Variants in ADAM9 observed in about 807,000 individuals in gnomAD.
The protein encoded by ADAM9 is ADAM metallopeptidase domain 9.
In ADAM9, 54 loss-of-function variants were observed where a neutral mutation model predicts 108.1. That is an observed-to-expected ratio of 0.50 (90% CI 0.40 to 0.63). The LOEUF (loss-of-function observed/expected upper bound fraction) is 0.63, where lower values mean the gene tolerates loss of function less well. ADAM9 is among the 20% of genes least tolerant of loss of function. The probability of loss-of-function intolerance (pLI) is 0.00; values close to 1 mark genes in which losing one functional copy is unlikely to be tolerated. For missense variants in ADAM9, 830 were observed against 997.7 expected, an observed-to-expected ratio of 0.83 and a Z score of 2.26; for synonymous variants, 316 against 336.0, an observed-to-expected ratio of 0.94 and a Z score of 0.65.
At chr8:39,005,576 G>A (rs7844927) in intron 1 of ADAM9, among the ~76,000 whole-genome samples, 63,697 of 151,998 alleles carry the variant, frequency 0.42, 14,132 homozygotes, top group East Asian at 0.73. Flanking sequence ...GTTAACATTA[G>A]CCATCCCTCT....
chr8:39,059,192 A>G (rs1838218631), intron 14 of ADAM9, among the ~76,000 whole-genome samples: 1 of 152,240 alleles, frequency 6.6e-6, no homozygotes, highest in African/African-American at 2.4e-5. Context: ...GTATGTCCAC[A>G]GAAGGTAGTT....
chr8:39,045,458 A>ATGTGCGTGTGTGTACACACACCTATG (rs1837717581), intron 12 of ADAM9, among the ~76,000 whole-genome samples: 1 of 147,638 alleles, frequency 6.8e-6, no homozygotes, highest in Non-Finnish European at 1.5e-5. Flanking sequence ...ACACACCTAT[A>ATGTGCGTGTGTGTACACACACCTATG]TGTGCGTGTG....
chr8:39,064,120 A>G (rs1014726711), intron 14 of ADAM9, among the ~76,000 whole-genome samples: 8 of 152,228 alleles, frequency 5.3e-5, no homozygotes, highest in Admixed American at 1.3e-4. Flanking sequence ...AAGGCATCAT[A>G]TACATAGTTA....
chr8:39,083,434 C>T (rs1054183325), intron 18 of ADAM9, among the ~76,000 whole-genome samples: 1 of 152,206 alleles, frequency 6.6e-6, no homozygotes, highest in Admixed American at 6.5e-5. Flanking sequence ...AAGTCCACAA[C>T]TCCTTAACAT....
rs1365675150 is a variant in ADAM9 at position 39,065,015 on chromosome 8, G to A, written c.1592-6283G>A. 2.0e-5 allele frequency among the ~76,000 whole-genome samples: 3 copies of A among 151,986 alleles called. No homozygotes were observed. The East Asian group carries it at 5.8e-4, about 29-fold the overall frequency. ...ATGTGGGTTTGTTTTTATTCACCGT[G>A]CTATGTAATTGGTGGGTACATTCAA... On this transcript the variant is annotated intron_variant, in intron 14 of 21. Transcript: ENST00000487273.
At position 39,023,138 on chromosome 8, in the gene ADAM9, T is replaced by C. The variant is rs777409758; in HGVS notation, c.745-18T>C. The C allele has an allele frequency of 1.4e-5, 23 of 1,599,812 alleles. No homozygotes were observed. Among genetic ancestry groups the C allele is most frequent in the Non-Finnish European group, 1.8e-5 (21 of 1,168,384 alleles). ...GTTCTTTACTATATTTTATATACTT[T>C]TATTTCTTTCTTCCCAGATGTATAT... On this transcript the variant is annotated intron_variant, in intron 8 of 21. Coordinates refer to ENST00000487273, the MANE Select transcript of ADAM9 (RefSeq NM_003816.3).
chr8:39,012,728 T>C (rs886778350), intron 3 of ADAM9, among the ~76,000 whole-genome samples: 36 of 151,980 alleles, frequency 2.4e-4, no homozygotes, highest in Non-Finnish European at 4.6e-4. Flanking sequence ...TTCTCACTCA[T>C]AGGTGGGAAT....
chr8:39,055,875 CTTGT>C, intron 14 of ADAM9, 103 bp downstream of exon 14: 5 of 1,205,968 alleles, frequency 4.1e-6, no homozygotes, highest in Non-Finnish European at 5.8e-6. Context: ...TTGAGGCTCT[CTTGT>C]TTCTCATCGT....
chr8:39,043,138 A>T (rs1837504466), intron 12 of ADAM9, among the ~76,000 whole-genome samples: 2 of 152,186 alleles, frequency 1.3e-5, no homozygotes, highest in African/African-American at 4.8e-5. Context: ...ATGTGTGTAT[A>T]TGTATGTATG....
intron 18 of ADAM9, 55 bp from the exon 19 acceptor site, chr8:39,089,992 T>G (rs534682656): frequency 6.5e-7 from 1 of 1,540,308 alleles, no homozygotes; most frequent in Admixed American, 1.7e-5. Flanking sequence ...AATCATCTAG[T>G]ATTTTCTGCC....
intron 14 of ADAM9, among the ~76,000 whole-genome samples, chr8:39,057,929 C>T (rs1271579074): frequency 6.6e-6 from 1 of 152,110 alleles, no homozygotes; most frequent in Non-Finnish European, 1.5e-5. Context: ...AAAATCCACT[C>T]CTTGTCAGCT....
chr8:39,061,033 A>G (rs1052905290), intron 14 of ADAM9, among the ~76,000 whole-genome samples: 7 of 152,250 alleles, frequency 4.6e-5, no homozygotes, highest in African/African-American at 1.2e-4. Flanking sequence ...ATAATCCACT[A>G]TCATTCTCCA....
At chr8:39,007,334 C>T (rs1401073925) in intron 1 of ADAM9, among the ~76,000 whole-genome samples, 1 of 152,220 alleles carries the variant, frequency 6.6e-6, no homozygotes, top group Non-Finnish European at 1.5e-5. Flanking sequence ...CCTGTTACTA[C>T]ACCCCACCTC....
At chr8:39,014,547 A>G (rs955721439) in intron 4 of ADAM9, 7 of 702,552 alleles carry the variant, frequency 1.0e-5, no homozygotes, top group Non-Finnish European at 1.8e-5. Context: ...AGAGCTGGCC[A>G]GAATACCCAA....
At chr8:39,091,684 A>T (rs1839360222) in intron 20 of ADAM9, among the ~76,000 whole-genome samples, 2 of 152,132 alleles carry the variant, frequency 1.3e-5, no homozygotes, top group African/African-American at 4.8e-5. Context: ...ACGGGGTCTC[A>T]CCGCATTGGC....
chr8:39,050,220 A>G (rs761828998), intron 12 of ADAM9, among the ~76,000 whole-genome samples: 3 of 151,992 alleles, frequency 2.0e-5, no homozygotes, highest in Non-Finnish European at 4.4e-5. Flanking sequence ...ATTTGATTGT[A>G]ATGTTTCTTG....
intron 20 of ADAM9, among the ~76,000 whole-genome samples, chr8:39,101,431 G>C (rs1248108304): frequency 6.6e-6 from 1 of 152,218 alleles, no homozygotes; most frequent in Non-Finnish European, 1.5e-5. Context: ...TTGCTTACCA[G>C]TAGTATATAA....
At chr8:39,054,889 G>A (rs1838070115) in intron 13 of ADAM9, among the ~76,000 whole-genome samples, 1 of 152,022 alleles carries the variant, frequency 6.6e-6, no homozygotes, top group African/African-American at 2.4e-5. Flanking sequence ...ATACTCTTCA[G>A]GTAACCACTG....
At chr8:39,005,463 A>C (rs1456929565) in intron 1 of ADAM9, among the ~76,000 whole-genome samples, 1 of 152,264 alleles carries the variant, frequency 6.6e-6, no homozygotes, top group Admixed American at 6.5e-5. Flanking sequence ...AAGTAAACTA[A>C]ATAGAAAGCT....
Sources: gnomAD v4.1 joint callset for allele counts (sites outside exome capture counted in the v4.1 genomes callset) on GRCh38, gnomAD v4.1.1 for gene constraint, MANE v1.5 for transcripts, NCBI Gene and HGNC (gene_info 2026-07-23, HGNC 2026-07-21) for gene names.